The following CCDC148 variants were observed in gnomAD, a reference collection of about 807,000 sequenced individuals.
The protein encoded by CCDC148 is coiled-coil domain-containing protein 148.
A neutral mutation model predicts 85.7 loss-of-function variants in CCDC148; 89 were observed. The observed-to-expected ratio is 1.04, with a 90% CI of 0.87 to 1.24. The LOEUF is 1.24. Among genes scored for constraint, CCDC148 ranks in the 50% most tolerant of loss-of-function variants. The probability of loss-of-function intolerance (pLI) is 0.00; values close to 1 mark genes in which losing one functional copy is unlikely to be tolerated. For missense variants in CCDC148, 692 were observed against 671.7 expected (o/e 1.03, Z -0.33); for synonymous variants, 230 against 213.9 (o/e 1.08, Z -0.66).
chr2:158,433,629 A>G (rs61381594), intron 1 of CCDC148, among the ~76,000 whole-genome samples: 25,313 of 152,024 alleles, frequency 0.17, 2,273 homozygotes, highest in Middle Eastern at 0.22. Context: ...GCGGCTTGTC[A>G]GACAGTGGGT....
chr2:158,232,887 G>T (rs938416048), intron 10 of CCDC148, among the ~76,000 whole-genome samples: 3 of 152,164 alleles, frequency 2.0e-5, no homozygotes, highest in African/African-American at 7.2e-5. Flanking sequence ...GGGATGAAGA[G>T]AAGTTGTTTC....
intron 10 of CCDC148, among the ~76,000 whole-genome samples, chr2:158,229,827 C>T (rs1687761966): frequency 6.6e-6 from 1 of 152,122 alleles, no homozygotes; most frequent in African/African-American, 2.4e-5. Flanking sequence ...AATTTTATCC[C>T]ATTGCAATAA....
At chr2:158,395,142 G>T (rs1685470396) in intron 1 of CCDC148, among the ~76,000 whole-genome samples, 1 of 151,930 alleles carries the variant, frequency 6.6e-6, no homozygotes, top group African/African-American at 2.4e-5. Flanking sequence ...AATATAATAG[G>T]ATAAAAAACA....
At chr2:158,342,016 A>ATTTTATTT (rs1559083849) in intron 3 of CCDC148, among the ~76,000 whole-genome samples, 6 of 102,870 alleles carry the variant, frequency 5.8e-5, no homozygotes, top group East Asian at 5.9e-4. Context: ...ACGTGTCATT[A>ATTTTATTT]TTTTCTTTTC....
rs186068465 is a variant in CCDC148, at chr2:158,279,357, C to A, written c.1111-28445G>T. On this transcript the variant is annotated intron_variant, in intron 9 of 13. Transcript: ENST00000283233. The stretch of plus-strand genomic sequence containing the variant: ...TACAGGAGGAAATTCAAACCAAAGG[C>A]AAAGAAGTTAAAAACTTTGAAAAAA... Among the ~76,000 whole-genome samples the A allele has an allele frequency of 8.1e-3, 1,226 of 152,076 alleles. 10 individuals carry two copies. The highest frequency in any genetic ancestry group is 0.027 in the African/African-American group (1,134 of 41,470).
In CCDC148 at chr2:158,250,852, T is replaced by C. The variant is rs1185745658; in HGVS notation, c.1171A>G (p.Arg391Gly). Residue 391 changes from arginine (R) to glycine (G), a missense_variant, in exon 10 of 14, where the codon AGA (arginine) becomes GGA (glycine). Arg to Gly is a moderately radical substitution (Grantham distance 125). Coordinates refer to ENST00000283233, the MANE Select transcript of CCDC148 (RefSeq NM_138803.4). ...VARLEMEISA[R>G]RREKEEEKEK... is the part of the protein sequence containing the mutation. Reference sequence around the variant, plus strand: ...TTCTCCTCTTCCTTTTCTCTTCTTCTGGCAGAAATTTCCATTTCCAGTCTT... The same window carrying C: ...TTCTCCTCTTCCTTTTCTCTTCTTCCGGCAGAAATTTCCATTTCCAGTCTT... 16 of 1,608,502 alleles carry C rather than the reference T, an allele frequency of 9.9e-6. No homozygotes were observed. Among genetic ancestry groups the C allele is most frequent in the Non-Finnish European group, 1.3e-5 (15 of 1,178,846 alleles).
Position 158,456,638 on chromosome 2 carries a change from C to A in CCDC148, c.-199G>T, listed in dbSNP as rs1688765626. ...CCTGCCCCAGATTTCAGAGCCAGCG[C>A]TGGGGAATCTCCCTGTCCTCTCCGC... On this transcript the variant is annotated 5_prime_UTR_variant, in exon 1 of 14. Transcript: ENST00000283233. 1.5e-6 allele frequency: 1 copy of A among 663,632 alleles called. No homozygotes were observed. The highest frequency in any genetic ancestry group is 3.0e-5 in the Admixed American group (1 of 33,488). The allele number at this position is 663,632 out of a possible 1,614,324, so 41.1% of individuals were successfully genotyped here. A position where few individuals can be genotyped will look rare whatever the true frequency, so the allele number is the denominator to read the frequency against.
At position 158,313,770 on chromosome 2, in the gene CCDC148, A is replaced by G; in HGVS notation, c.889T>C (p.Ser297Pro). 1 of 1,613,770 alleles carries G rather than the reference A, an allele frequency of 6.2e-7. No homozygotes were observed. Among genetic ancestry groups the G allele is most frequent in the Non-Finnish European group, 8.5e-7 (1 of 1,179,848 alleles). Reference sequence around the variant, plus strand: ...CCAGTACTCACCAAATCATGCCTAGATTTGTGAGGAAAATATCTTTGTAAC... The same window carrying G: ...CCAGTACTCACCAAATCATGCCTAGGTTTGTGAGGAAAATATCTTTGTAAC... ...DMLQRYFPHK[S>P]RHDLVEHEKY... The change falls in exon 8 of 14, where the codon TCT becomes CCT. Residue 297 changes from serine (S) to proline (P), a missense_variant. By Grantham distance (74) the Ser-to-Pro change is moderately conservative (BLOSUM62 -1). Coordinates refer to ENST00000283233, the MANE Select transcript of CCDC148 (RefSeq NM_138803.4).
chr2:158,392,468 C>CA (rs1170224030), intron 1 of CCDC148, among the ~76,000 whole-genome samples: 1 of 151,862 alleles, frequency 6.6e-6, no homozygotes, highest in Non-Finnish European at 1.5e-5. Context: ...ATATGATATT[C>CA]AAAAAAATGT....
At chr2:158,264,650 C>T (rs948197023) in intron 9 of CCDC148, among the ~76,000 whole-genome samples, 3 of 151,890 alleles carry the variant, frequency 2.0e-5, no homozygotes, top group Non-Finnish European at 2.9e-5. Flanking sequence ...CTATTATATC[C>T]ATGCACAGGG....
At chr2:158,260,943 G>T (rs12995965) in intron 9 of CCDC148, among the ~76,000 whole-genome samples, 57,634 of 151,760 alleles carry the variant, frequency 0.38, 11,985 homozygotes, top group South Asian at 0.61. Context: ...ATACTGCCCA[G>T]AGCAATTTAC....
chr2:158,398,345 C>T (rs775298393), intron 1 of CCDC148, among the ~76,000 whole-genome samples: 1 of 152,154 alleles, frequency 6.6e-6, no homozygotes, highest in Non-Finnish European at 1.5e-5. Context: ...CACCACATCA[C>T]ACTTATTCTA....
chr2:158,330,967 G>T (rs1358816583), intron 7 of CCDC148, among the ~76,000 whole-genome samples: 2 of 152,052 alleles, frequency 1.3e-5, no homozygotes, highest in Non-Finnish European at 1.5e-5. Flanking sequence ...CAAGCTCCTG[G>T]ATTCATTGAT....
intron 1 of CCDC148, among the ~76,000 whole-genome samples, chr2:158,375,471 C>T (rs1684613486): frequency 1.3e-5 from 2 of 152,054 alleles, no homozygotes; most frequent in Non-Finnish European, 2.9e-5. Context: ...AGGCCACAAG[C>T]AAGGTTATAG....
chr2:158,306,016 C>T (rs1691667509), intron 9 of CCDC148, among the ~76,000 whole-genome samples: 1 of 152,128 alleles, frequency 6.6e-6, no homozygotes, highest in Admixed American at 6.5e-5. Context: ...AAAGGCTACA[C>T]ACTGTTGAGT....
chr2:158,358,666 T>G, intron 1 of CCDC148, 96 bp from the exon 2 acceptor site: 1 of 631,376 alleles, frequency 1.6e-6, no homozygotes, highest in Non-Finnish European at 2.3e-6. Flanking sequence ...TCAGATCTTA[T>G]TTTTAAATAT....
chr2:158,438,348 A>G (rs550955576), intron 1 of CCDC148, among the ~76,000 whole-genome samples: 17 of 152,316 alleles, frequency 1.1e-4, no homozygotes, highest in Admixed American at 1.1e-3. Flanking sequence ...GATCTTTGAC[A>G]AACCTGACAA....
intron 1 of CCDC148, among the ~76,000 whole-genome samples, chr2:158,421,636 G>C (rs949617036): frequency 6.6e-6 from 1 of 152,076 alleles, no homozygotes; most frequent in Admixed American, 6.6e-5. Context: ...AGAGAAAGCA[G>C]GAAAGATTTG....
At position 158,178,963 on chromosome 2, in the gene CCDC148, A is replaced by G. The variant is rs1294586760; in HGVS notation, c.1404T>C (p.Arg468=). 1.4e-5 allele frequency: 22 copies of G among 1,613,392 alleles called. No homozygotes were observed. Among genetic ancestry groups the G allele is most frequent in the Non-Finnish European group, 1.9e-5 (22 of 1,179,692 alleles). The change falls in exon 12 of 14, where the codon CGT becomes CGC. Residue 468 remains arginine, a synonymous_variant. Transcript: ENST00000283233. ...VKYRQELLER[R]LMEKKEVALQ... ...GGGCCACTTCCTTTTTCTCCATCAA[A>G]CGCCTTTCCAATAATTCTTGTCTAT...
Sources: allele counts gnomAD v4.1 joint callset (sites outside exome capture counted in the v4.1 genomes callset), GRCh38; gene constraint gnomAD v4.1.1; transcripts MANE v1.5; gene names NCBI Gene and HGNC (gene_info 2026-07-23, HGNC 2026-07-21).